Variants in EPM2A observed in about 807,000 individuals in gnomAD.
The protein encoded by EPM2A is laforin.
A neutral mutation model predicts 26.5 loss-of-function variants in EPM2A; 21 were observed. That is an observed-to-expected ratio of 0.79 (90% CI 0.56 to 1.14). The LOEUF is 1.14. EPM2A is among the 50% of genes most tolerant of loss of function. The pLI is 0.00. For synonymous variants in EPM2A, 217 were observed against 177.6 expected (o/e 1.22, Z -1.76); for missense variants, 458 against 440.8 (o/e 1.04, Z -0.35).
intron 2 of EPM2A, among the ~76,000 whole-genome samples, chr6:145,557,937 T>G (rs908337348): frequency 2.0e-5 from 3 of 152,054 alleles, no homozygotes; most frequent in Non-Finnish European, 4.4e-5. Context: ...ATTCCTTTGT[T>G]TTTCCATAAG....
intron 2 of EPM2A, among the ~76,000 whole-genome samples, chr6:145,644,077 C>T (rs913101772): frequency 6.6e-6 from 1 of 152,142 alleles, no homozygotes. Flanking sequence ...ATAATTTAAT[C>T]TAAATACTAT....
intron 4 of EPM2A, among the ~76,000 whole-genome samples, chr6:145,474,241 C>T (rs1212420710): frequency 1.3e-5 from 2 of 152,218 alleles, no homozygotes; most frequent in South Asian, 2.1e-4. Flanking sequence ...GTGGGTGGAT[C>T]ACCTGAGGTC....
intron 2 of EPM2A, among the ~76,000 whole-genome samples, chr6:145,528,607 T>C (rs111724594): frequency 1.5e-3 from 222 of 152,224 alleles, no homozygotes; most frequent in African/African-American, 5.1e-3. Flanking sequence ...AAGAAAAAAA[T>C]ATATATTTCT....
intron 2 of EPM2A, among the ~76,000 whole-genome samples, chr6:145,534,999 C>A (rs1484797171): frequency 6.6e-6 from 1 of 152,180 alleles, no homozygotes; most frequent in Non-Finnish European, 1.5e-5. Context: ...CATTATCAGC[C>A]ACTTCACACA....
chr6:145,668,067 T>C (rs1326126243), intron 2 of EPM2A, among the ~76,000 whole-genome samples: 1 of 145,238 alleles, frequency 6.9e-6, no homozygotes, highest in Non-Finnish European at 1.5e-5. Flanking sequence ...TAAGGCTAGA[T>C]GACGAGTTAG....
chr6:145,495,539 C>T (rs57862787), intron 4 of EPM2A, among the ~76,000 whole-genome samples: 5,725 of 152,084 alleles, frequency 0.038, 194 homozygotes, highest in East Asian at 0.17. Flanking sequence ...ATGATGCTAC[C>T]TGATTGTTTT....
intron 4 of EPM2A, among the ~76,000 whole-genome samples, chr6:145,395,503 C>T (rs1778392961): frequency 6.6e-6 from 1 of 152,106 alleles, no homozygotes; most frequent in Admixed American, 6.6e-5. Context: ...CTCATTAAAG[C>T]TTTAAATCTA....
At chr6:145,715,525 C>G (rs1775568761) in intron 1 of EPM2A, among the ~76,000 whole-genome samples, 2 of 152,186 alleles carry the variant, frequency 1.3e-5, no homozygotes, top group African/African-American at 4.8e-5. Flanking sequence ...TACTTTAAAT[C>G]AGGGGTCCCA....
intron 2 of EPM2A, among the ~76,000 whole-genome samples, chr6:145,560,859 TTTA>T (rs1249857375): frequency 6.6e-6 from 1 of 152,134 alleles, no homozygotes; most frequent in Non-Finnish European, 1.5e-5. Context: ...CTGCTGACAC[TTTA>T]TTATTTAATT....
At chr6:145,454,921 T>A (rs1384313197) in intron 4 of EPM2A, among the ~76,000 whole-genome samples, 1 of 152,150 alleles carries the variant, frequency 6.6e-6, no homozygotes, top group Non-Finnish European at 1.5e-5. Flanking sequence ...TAACAAAGAA[T>A]TACTAGAAAA....
chr6:145,573,987 A>G (rs550242044), intron 2 of EPM2A, among the ~76,000 whole-genome samples: 2 of 152,228 alleles, frequency 1.3e-5, no homozygotes, highest in Non-Finnish European at 1.5e-5. Flanking sequence ...CTTTTCCCCA[A>G]TGCACAGTTA....
intron 4 of EPM2A, among the ~76,000 whole-genome samples, chr6:145,442,783 T>G (rs1779081348): frequency 6.6e-6 from 1 of 152,178 alleles, no homozygotes; most frequent in Non-Finnish European, 1.5e-5. Context: ...ATGTATCTGT[T>G]TTTGTATCAT....
chr6:145,664,841 A>C (rs1779041345), intron 2 of EPM2A, among the ~76,000 whole-genome samples: 2 of 152,100 alleles, frequency 1.3e-5, no homozygotes, highest in South Asian at 4.2e-4. Context: ...ATCAAACTAG[A>C]ACTCAGGATT....
At chr6:145,628,725 T>C (rs1298946277) in intron 3 of EPM2A, 1 of 152,222 alleles carries the variant, frequency 6.6e-6, no homozygotes, top group Admixed American at 6.5e-5. Flanking sequence ...GGCTTTCACG[T>C]TGCCATCCTT....
intron 2 of EPM2A, among the ~76,000 whole-genome samples, chr6:145,579,788 T>G (rs12208812): frequency 0.36 from 54,952 of 151,916 alleles, 10,393 homozygotes; most frequent in South Asian, 0.51. Flanking sequence ...CTTTTCTGTC[T>G]TTTGGATTAA....
chr6:145,441,601 T>C (rs914061540), intron 4 of EPM2A, among the ~76,000 whole-genome samples: 2 of 152,156 alleles, frequency 1.3e-5, no homozygotes, highest in African/African-American at 4.8e-5. Context: ...TGGTGGCTCA[T>C]GCCTGTAATC....
intron 4 of EPM2A, among the ~76,000 whole-genome samples, chr6:145,413,649 A>G (rs376021088): frequency 6.6e-6 from 1 of 152,266 alleles, no homozygotes; most frequent in African/African-American, 2.4e-5. Flanking sequence ...TCATGAGATA[A>G]AATTCAGTGA....
At chr6:145,620,874 A>G (rs561999028), downstream of EPM2A, among the ~76,000 whole-genome samples, 53 of 152,366 alleles carry the variant, frequency 3.5e-4, no homozygotes, top group African/African-American at 1.3e-3. Flanking sequence ...ACAATTATAC[A>G]TACATTGGGA....
intron 4 of EPM2A, among the ~76,000 whole-genome samples, chr6:145,455,386 C>T (rs529366052): frequency 9.9e-5 from 15 of 152,118 alleles, no homozygotes; most frequent in Non-Finnish European, 1.9e-4. Context: ...GAGACCGAGT[C>T]TCACTCTGTT....
Sources: gnomAD v4.1 joint callset for allele counts (sites outside exome capture counted in the v4.1 genomes callset) on GRCh38, gnomAD v4.1.1 for gene constraint, MANE v1.5 for transcripts, NCBI Gene and HGNC (gene_info 2026-07-23, HGNC 2026-07-21) for gene names.